LEMD2: variants seen among roughly 807,000 people sequenced by gnomAD.
The protein encoded by LEMD2 is LEM domain nuclear envelope protein 2.
A neutral mutation model predicts 58.8 loss-of-function variants in LEMD2; 34 were observed. That is an observed-to-expected ratio of 0.58 (90% CI 0.44 to 0.77). The LOEUF (loss-of-function observed/expected upper bound fraction) is 0.77, where lower values mean the gene tolerates loss of function less well. LEMD2 is among the 30% of genes least tolerant of loss of function. LEMD2 has a pLI of 0.00. For synonymous variants in LEMD2, 298 were observed against 308.9 expected (o/e 0.96, Z 0.37); for missense variants, 629 against 717.9 (o/e 0.88, Z 1.42).
At position 33,778,451 on chromosome 6, in the gene LEMD2, A is replaced by G; in HGVS notation, c.1011-64T>C. On this transcript the variant is annotated intron_variant, in intron 5 of 8. Coordinates refer to ENST00000293760, the MANE Select transcript of LEMD2 (RefSeq NM_181336.4). The surrounding 1 kb of genome is among the most constrained non-coding windows in gnomAD (Gnocchi z 4.7). ...TCCAAGGAGAGGCAGTGCAAGCCCCACTTCAAACAGGAGGAAGCGAAGGAA... is the reference window on the plus strand; with the variant it reads ...TCCAAGGAGAGGCAGTGCAAGCCCCGCTTCAAACAGGAGGAAGCGAAGGAA... 7.5e-7 allele frequency: 1 copy of G among 1,331,260 alleles called. No homozygotes were observed. Among genetic ancestry groups the G allele is most frequent in the South Asian group, 2.0e-5 (1 of 51,160 alleles). 82.5% of individuals were successfully genotyped at this position (1,331,260 alleles called of 1,614,324 possible).
At chr6:33,786,827 A>G (rs1767688222) in intron 1 of LEMD2, 53 bp from the exon 2 acceptor site, 3 of 1,607,492 alleles carry the variant, frequency 1.9e-6, no homozygotes, top group Non-Finnish European at 2.5e-6. Flanking sequence ...TGAGAAAGGA[A>G]TACAAAAAGA....
chr6:33,786,542 A>G (rs1767681111), intron 2 of LEMD2, among the ~76,000 whole-genome samples, 192 bp downstream of exon 2: 1 of 152,216 alleles, frequency 6.6e-6, no homozygotes, highest in African/African-American at 2.4e-5. Flanking sequence ...TGGGAGGTCA[A>G]TTCTATTTCA....
rs1361784898 is a variant in LEMD2 at position 33,788,522 on chromosome 6, G to C, written c.595C>G (p.Arg199Gly). ...TCCAGCCGGCGCCCCACCTCAGGCCGGGCCCTCGCCGCGCCAGCAGGGCCC... is the reference window on the plus strand; with the variant it reads ...TCCAGCCGGCGCCCCACCTCAGGCCCGGCCCTCGCCGCGCCAGCAGGGCCC... ...RAGPAGAARA[R>G]PEVGRRLERW... The change falls in exon 1 of 9, where the codon CGG becomes GGG. Residue 199 changes from arginine (R) to glycine (G), a missense_variant. Coordinates refer to ENST00000293760, the MANE Select transcript of LEMD2 (RefSeq NM_181336.4). 3 of 1,514,796 alleles carry C rather than the reference G, an allele frequency of 2.0e-6. No individual in the cohort carries two copies. The highest frequency in any genetic ancestry group is 2.9e-5 in the African/African-American group (2 of 69,344). The allele number at this position is 1,514,796 out of a possible 1,614,324, so 93.8% of individuals were successfully genotyped here.
chr6:33,773,842 C>T (rs1767365115), intron 8 of LEMD2, among the ~76,000 whole-genome samples: 1 of 152,212 alleles, frequency 6.6e-6, no homozygotes, highest in African/African-American at 2.4e-5. Context: ...CCCTCATCTA[C>T]AGGGCAGACC....
intron 3 of LEMD2, chr6:33,781,466 C>T (rs532601084): frequency 6.0e-4 from 179 of 297,512 alleles, no homozygotes; most frequent in Admixed American, 1.2e-3. Context: ...CGGAAGGTAC[C>T]GGAATGGCAC....
At chr6:33,784,945 G>A (rs2127382586) in intron 2 of LEMD2, among the ~76,000 whole-genome samples, 1 of 152,284 alleles carries the variant, frequency 6.6e-6, no homozygotes, top group East Asian at 1.9e-4. Context: ...AGGATTCAGT[G>A]CGAACTCACA....
chr6:33,778,288 G>A lies in LEMD2; in HGVS notation c.1110C>T (p.Ser370=). The A allele has an allele frequency of 6.2e-7, 1 of 1,609,344 alleles. No homozygotes were observed. The highest frequency in any genetic ancestry group is 8.5e-7 in the Non-Finnish European group (1 of 1,177,550). The change falls in exon 6 of 9, where the codon AGC becomes AGT. Residue 370 remains serine, a synonymous_variant. Transcript: ENST00000293760. The surrounding 1 kb of genome is among the most constrained non-coding windows in gnomAD (Gnocchi z 4.7). ...TGGTGACAGCAGTGAGCAAGGCCCG[G>A]CTCAGGCGGCAGCCAACACCCATGC... ...HPRMGVGCRL[S]RALLTAVTNV...
At position 33,788,693 on chromosome 6, in the gene LEMD2, C is replaced by T. The variant is rs1349435456; in HGVS notation, c.424G>A (p.Asp142Asn). 3 of 1,361,810 alleles carry T rather than the reference C, an allele frequency of 2.2e-6. No homozygotes were observed. Among genetic ancestry groups the T allele is most frequent in the East Asian group, 3.1e-5 (1 of 31,876 alleles). 84.4% of individuals were successfully genotyped at this position (1,361,810 alleles called of 1,614,324 possible). ...RASVRGSSEEDEDARTPDRAT... is the reference protein window; with the variant it reads ...RASVRGSSEENEDARTPDRAT... ...CTGTCGGGCGTCCGGGCGTCCTCGT[C>T]CTCCTCGGAGCTGCCCCGGACCGAG... The change falls in exon 1 of 9, where the codon GAC becomes AAC. Residue 142 changes from aspartate to asparagine, a missense_variant. Physicochemically the swap from Asp to Asn is conservative, Grantham distance 23. This residue lies in a region of LEMD2 where 386 missense variants were observed against 381.1 expected (regional missense o/e 1.01). Coordinates refer to ENST00000293760, the MANE Select transcript of LEMD2 (RefSeq NM_181336.4).
Position 33,778,138 on chromosome 6 carries a change from G to A in LEMD2, c.1156+104C>T, listed in dbSNP as rs375690439. 61 of 1,144,292 alleles carry A rather than the reference G, an allele frequency of 5.3e-5. 1 individual carries two copies. In the South Asian group the frequency reaches 1.0e-3, roughly 19 times the overall value. The allele number at this position is 1,144,292 out of a possible 1,614,324, so 70.9% of individuals were successfully genotyped here. A position where few individuals can be genotyped will look rare whatever the true frequency, so the allele number is the denominator to read the frequency against. On this transcript the variant is annotated intron_variant, in intron 6 of 8. Coordinates refer to ENST00000293760, the MANE Select transcript of LEMD2 (RefSeq NM_181336.4). This position sits in a 1 kb window ranked among gnomAD's most constrained non-coding sequence, Gnocchi z 4.7. ...TATGAGACAGACCTCAGGTTCACTA[G>A]ACAGAAATGAACCCTCCGGGCCTGG...
chr6:33,774,396 T>C (rs1174759131), intron 8 of LEMD2, among the ~76,000 whole-genome samples: 2 of 149,826 alleles, frequency 1.3e-5, no homozygotes. Flanking sequence ...GGTCTCAAAC[T>C]CCTGACCTTG....
Position 33,778,164 on chromosome 6 carries a change from A to G in LEMD2, c.1156+78T>C. On this transcript the variant is annotated intron_variant, in intron 6 of 8. Coordinates refer to ENST00000293760, the MANE Select transcript of LEMD2 (RefSeq NM_181336.4). This position sits in a 1 kb window ranked among gnomAD's most constrained non-coding sequence, Gnocchi z 4.7. ...ACAGAAATGAACCCTCCGGGCCTGG[A>G]ATTTCTATAGCTCATCATTCATGCC... is the stretch of plus-strand genomic sequence containing the variant. 2 of 1,391,256 alleles carry G rather than the reference A, an allele frequency of 1.4e-6. No homozygotes were observed. Among genetic ancestry groups the G allele is most frequent in the Non-Finnish European group, 1.9e-6 (2 of 1,047,914 alleles). 86.2% of individuals were successfully genotyped at this position (1,391,256 alleles called of 1,614,324 possible). A position where few individuals can be genotyped will look rare whatever the true frequency, so the allele number is the denominator to read the frequency against.
chr6:33,776,126 C>G (rs559751794), intron 8 of LEMD2, among the ~76,000 whole-genome samples: 79 of 152,338 alleles, frequency 5.2e-4, no homozygotes, highest in African/African-American at 1.7e-3. Context: ...GCCACCCCTT[C>G]CCATGAAGCT....
In LEMD2 at chr6:33,778,836, CATCCATGAGGCTCATGGGGA is replaced by C. The variant is rs71000005; in HGVS notation, c.1011-469_1011-450del. 18,367 of 152,570 alleles carry C rather than the reference CATCCATGAGGCTCATGGGGA, an allele frequency of 0.12. 1,463 individuals carry two copies. The highest frequency in any genetic ancestry group is 0.22 in the Middle Eastern group (65 of 294). 9.5% of individuals were successfully genotyped at this position (152,570 alleles called of 1,614,324 possible). ...CTGTTTAAGTGTAAAGATCATGGGG[CATCCATGAGGCTCATGGGGA>C]ATCCGTGAGGCTCATGGGGAATGAA... On this transcript the variant is annotated intron_variant, in intron 5 of 8. Transcript: ENST00000293760. The surrounding 1 kb of genome is among the most constrained non-coding windows in gnomAD (Gnocchi z 4.7).
intron 3 of LEMD2, chr6:33,781,418 T>C: frequency 4.4e-6 from 2 of 450,554 alleles, no homozygotes; most frequent in Non-Finnish European, 7.9e-6. Context: ...GCAAGGTCTC[T>C]TTGCAATTGA....
At chr6:33,777,779 C>T (rs890792944) in intron 6 of LEMD2, among the ~76,000 whole-genome samples, 1 of 152,228 alleles carries the variant, frequency 6.6e-6, no homozygotes, top group African/African-American at 2.4e-5. Flanking sequence ...GGGGATAAGA[C>T]TGGTGCCCTC....
chr6:33,779,759 G>C (rs976312757), intron 5 of LEMD2: 1 of 230,388 alleles, frequency 4.3e-6, no homozygotes, highest in Middle Eastern at 1.4e-3. Flanking sequence ...TCCCGAGGAG[G>C]GGAAGTGCAG....
rs190194338 is a variant in LEMD2, at chr6:33,781,156, A to G, written c.854-3T>C. On this transcript the variant is annotated splice_polypyrimidine_tract_variant and splice_region_variant and intron_variant, in intron 3 of 8. Transcript: ENST00000293760. ...TGGATTTCCACACTCAAAATTACCTAGGAGAAAAAAAACCACACATGCTCA... is the reference window on the plus strand; with the variant it reads ...TGGATTTCCACACTCAAAATTACCTGGGAGAAAAAAAACCACACATGCTCA... 1,051 of 1,589,590 alleles carry G rather than the reference A, an allele frequency of 6.6e-4. 3 individuals are homozygous for G. In the African/African-American group the frequency reaches 9.5e-3, roughly 14 times the overall value.
At chr6:33,776,414 A>T (rs1767431479) in intron 8 of LEMD2, among the ~76,000 whole-genome samples, 1 of 152,140 alleles carries the variant, frequency 6.6e-6, no homozygotes, top group African/African-American at 2.4e-5. Context: ...TGCTTATAAG[A>T]CAACAATAGG....
intron 3 of LEMD2, chr6:33,782,291 C>G (rs1208041541): frequency 6.6e-6 from 1 of 152,332 alleles, no homozygotes; most frequent in African/African-American, 2.4e-5. Context: ...CTGTGCTACT[C>G]AAGCTGCTGC....
Sources: allele counts gnomAD v4.1 joint callset (sites outside exome capture counted in the v4.1 genomes callset), GRCh38; gene constraint gnomAD v4.1.1; regional missense constraint gnomAD v4.1.1; non-coding constraint Gnocchi (gnomAD v3.1); transcripts MANE v1.5; gene names NCBI Gene and HGNC (gene_info 2026-07-23, HGNC 2026-07-21).